IGSF21: variants seen among roughly 807,000 people sequenced by gnomAD.
The protein encoded by IGSF21 is immunoglobulin superfamily member 21.
A neutral mutation model predicts 46.8 loss-of-function variants in IGSF21; 28 were observed. The ratio of observed to expected loss-of-function variants is 0.60; its 90% CI spans 0.44 to 0.82. IGSF21 has a LOEUF of 0.82. IGSF21 is among the 40% of genes least tolerant of loss of function. The pLI is 0.00. For synonymous variants in IGSF21, 284 were observed against 273.6 expected, an observed-to-expected ratio of 1.04 and a Z score of -0.38; for missense variants, 624 against 665.5, an observed-to-expected ratio of 0.94 and a Z score of 0.69.
At chr1:18,208,107 G>A (rs866015580) in intron 1 of IGSF21, among the ~76,000 whole-genome samples, 1 of 151,914 alleles carries the variant, frequency 6.6e-6, no homozygotes, top group Non-Finnish European at 1.5e-5. Flanking sequence ...CCTAAGGGAA[G>A]ATTTATCGGA....
chr1:18,172,486 C>T (rs2086747063), intron 1 of IGSF21, among the ~76,000 whole-genome samples: 1 of 152,204 alleles, frequency 6.6e-6, no homozygotes, highest in Non-Finnish European at 1.5e-5. Flanking sequence ...AGGCTGCCAG[C>T]AGGGTCGGGT....
chr1:18,146,497 C>T (rs759155857), intron 1 of IGSF21, among the ~76,000 whole-genome samples: 40 of 152,130 alleles, frequency 2.6e-4, no homozygotes, highest in Admixed American at 1.1e-3. Flanking sequence ...GATCACTGCT[C>T]CAACGCAGGG....
intron 2 of IGSF21, among the ~76,000 whole-genome samples, chr1:18,235,124 C>G (rs547419948): frequency 9.2e-5 from 14 of 152,342 alleles, no homozygotes; most frequent in African/African-American, 2.6e-4. Flanking sequence ...GTTATTGAAT[C>G]TGAATTTCCA....
chr1:18,221,285 C>T (rs558276703), intron 1 of IGSF21, among the ~76,000 whole-genome samples: 1 of 152,278 alleles, frequency 6.6e-6, no homozygotes, highest in South Asian at 2.1e-4. Context: ...GAAACATTGT[C>T]AGTTTTAGGT....
intron 1 of IGSF21, among the ~76,000 whole-genome samples, chr1:18,134,154 GAGTGAATA>G (rs1248354318): frequency 1.3e-5 from 2 of 152,132 alleles, no homozygotes; most frequent in Non-Finnish European, 2.9e-5. Flanking sequence ...GTGAGTGAGT[GAGTGAATA>G]AATGAATGAA....
chr1:18,182,173 CTT>C (rs35016415), intron 1 of IGSF21, among the ~76,000 whole-genome samples: 8 of 108,942 alleles, frequency 7.3e-5, no homozygotes, highest in African/African-American at 7.0e-5. Flanking sequence ...TGAAAGGTGT[CTT>C]TTTTTTTTTT....
At chr1:18,357,212 A>C (rs2086028501) in intron 4 of IGSF21, among the ~76,000 whole-genome samples, 2 of 130,268 alleles carry the variant, frequency 1.5e-5, no homozygotes, top group Admixed American at 1.6e-4. Flanking sequence ...GGGGTTGGGG[A>C]TGGGGGTAGA....
intron 4 of IGSF21, among the ~76,000 whole-genome samples, chr1:18,339,184 G>A (rs1008372263): frequency 2.2e-4 from 33 of 152,190 alleles, no homozygotes; most frequent in African/African-American, 6.0e-4. Flanking sequence ...TACGGATGAC[G>A]GAGCAGAGGC....
At chr1:18,347,808 A>G (rs989992982) in intron 4 of IGSF21, among the ~76,000 whole-genome samples, 4 of 152,160 alleles carry the variant, frequency 2.6e-5, no homozygotes, top group Admixed American at 6.5e-5. Flanking sequence ...GGGAACTCGG[A>G]GCCTAGAGTG....
At chr1:18,187,563 G>A (rs910376992) in intron 1 of IGSF21, among the ~76,000 whole-genome samples, 1 of 152,050 alleles carries the variant, frequency 6.6e-6, no homozygotes, top group Non-Finnish European at 1.5e-5. Flanking sequence ...AACAGTATGG[G>A]GGAAACCACT....
intron 4 of IGSF21, among the ~76,000 whole-genome samples, chr1:18,357,582 T>C (rs1230787588): frequency 6.6e-6 from 1 of 152,028 alleles, no homozygotes; most frequent in Non-Finnish European, 1.5e-5. Context: ...AAGGCTTTTA[T>C]TGGGCTATGA....
chr1:18,177,570 C>G (rs2086814703), intron 1 of IGSF21, among the ~76,000 whole-genome samples: 1 of 152,018 alleles, frequency 6.6e-6, no homozygotes, highest in Non-Finnish European at 1.5e-5. Context: ...CTTGTCCTGT[C>G]TCTTCATCTC....
rs1436418610 is a variant in IGSF21 at position 18,337,641 on chromosome 1, T to C, written c.424+2631T>C. On this transcript the variant is annotated intron_variant, in intron 4 of 9. Transcript: ENST00000251296. This position sits in a 1 kb window ranked among gnomAD's most constrained non-coding sequence, Gnocchi z 5.7. The stretch of plus-strand genomic sequence containing the variant: ...AGTGGCAGAGACAGGGGTCTCTCCT[T>C]ACTCACCTTCTCTGGGCTTCTTCCC... Among the ~76,000 whole-genome samples, 1 of 123,440 alleles carries C rather than the reference T, an allele frequency of 8.1e-6. No homozygotes were observed. The highest frequency in any genetic ancestry group is 1.8e-5 in the Non-Finnish European group (1 of 56,524). The allele number at this position is 123,440 out of a possible 152,430, so 81.0% of individuals were successfully genotyped here. A position where few individuals can be genotyped will look rare whatever the true frequency, so the allele number is the denominator to read the frequency against.
At chr1:18,371,959 C>T (rs1404951796) in intron 6 of IGSF21, among the ~76,000 whole-genome samples, 1 of 152,202 alleles carries the variant, frequency 6.6e-6, no homozygotes. Flanking sequence ...ACAATTCATT[C>T]TTCATATATG....
At chr1:18,315,287 G>C (rs566214917) in intron 3 of IGSF21, among the ~76,000 whole-genome samples, 1 of 152,072 alleles carries the variant, frequency 6.6e-6, no homozygotes, top group African/African-American at 2.4e-5. Flanking sequence ...TTTTCCTGAC[G>C]TTCTAGTATA....
intron 1 of IGSF21, among the ~76,000 whole-genome samples, chr1:18,205,763 G>A (rs181217470): frequency 1.3e-3 from 194 of 152,328 alleles, no homozygotes; most frequent in African/African-American, 4.5e-3. Flanking sequence ...ATCAGACTTA[G>A]GAGAAATTGT....
At chr1:18,205,509 G>A (rs1272532589) in intron 1 of IGSF21, among the ~76,000 whole-genome samples, 1 of 152,114 alleles carries the variant, frequency 6.6e-6, no homozygotes, top group Non-Finnish European at 1.5e-5. Flanking sequence ...GATGGAAAAG[G>A]GACTGTGATC....
At chr1:18,336,594 GC>G (rs540193393) in intron 4 of IGSF21, among the ~76,000 whole-genome samples, 90 of 152,302 alleles carry the variant, frequency 5.9e-4, no homozygotes, top group Non-Finnish European at 1.1e-3. Context: ...TGAAGACACT[GC>G]GCTAAGGCCT....
rs1202126023 is a variant in IGSF21, at chr1:18,287,486, GTGTT to G, written c.184-4375_184-4372del. Among the ~76,000 whole-genome samples the G allele has an allele frequency of 1.8e-4, 28 of 152,276 alleles. 1 individual carries two copies. The South Asian group carries it at 5.8e-3, about 32-fold the overall frequency. ...GAGTAGCTCATATTCAAGGACCTGT[GTGTT>G]TGTTCATCAAAAGTCTGTTGAATAT... On this transcript the variant is annotated intron_variant, in intron 2 of 9. Transcript: ENST00000251296.
Sources: allele counts gnomAD v4.1 joint callset (sites outside exome capture counted in the v4.1 genomes callset), GRCh38; gene constraint gnomAD v4.1.1; non-coding constraint Gnocchi (gnomAD v3.1); transcripts MANE v1.5; gene names NCBI Gene and HGNC (gene_info 2026-07-23, HGNC 2026-07-21).